GABRA3: variants seen among roughly 807,000 people sequenced by gnomAD.
GABRA3 encodes gamma-aminobutyric acid type A receptor subunit alpha3, also known as gamma-aminobutyric acid receptor subunit alpha-3.
A neutral mutation model predicts 30.1 loss-of-function variants in GABRA3; 10 were observed. That is an observed-to-expected ratio of 0.33 (90% CI 0.20 to 0.56). The LOEUF (loss-of-function observed/expected upper bound fraction) is 0.56, where lower values mean the gene tolerates loss of function less well. GABRA3 is among the 20% of genes least tolerant of loss of function. The pLI is 0.89. For synonymous variants in GABRA3, 151 were observed against 146.8 expected, an observed-to-expected ratio of 1.03 and a Z score of -0.21; for missense variants, 233 against 392.0, an observed-to-expected ratio of 0.59 and a Z score of 3.42.
chrX:152,412,161 A>C (rs1174431944), intron 1 of GABRA3, among the ~76,000 whole-genome samples: 1 of 112,018 alleles, frequency 8.9e-6, no homozygotes, highest in African/African-American at 3.2e-5. Context: ...CATTAAAAAA[A>C]GATAAAAGCA....
At chrX:152,405,404 G>A (rs1929906413) in intron 1 of GABRA3, among the ~76,000 whole-genome samples, 1 of 110,089 alleles carries the variant, frequency 9.1e-6, no homozygotes, top group Non-Finnish European at 1.9e-5. Context: ...TGACTGTCAG[G>A]GCACAAAGAC....
Position 152,363,841 on chromosome X carries a change from C to G in GABRA3, c.140+590G>C, listed in dbSNP as rs188370368. Among the ~76,000 whole-genome samples the G allele has an allele frequency of 4.8e-4, 54 of 111,900 alleles. No individual in the cohort carries two copies. The East Asian group carries it at 9.3e-3, about 19-fold the overall frequency. The stretch of plus-strand genomic sequence containing the variant: ...ATGAAGTCAAGGATGGAGAAGTCAA[C>G]AATATTGGAACGTAAGAACAGAGAA... On this transcript the variant is annotated intron_variant, in intron 2 of 9. Coordinates refer to ENST00000370314, the MANE Select transcript of GABRA3 (RefSeq NM_000808.4).
intron 6 of GABRA3, among the ~76,000 whole-genome samples, chrX:152,219,125 A>T (rs1937783466): frequency 9.0e-6 from 1 of 111,006 alleles, no homozygotes; most frequent in South Asian, 3.8e-4. Context: ...CTAGCTTCTA[A>T]ATGTTATCAT....
At chrX:152,249,448 A>G (rs1212530177) in intron 5 of GABRA3, among the ~76,000 whole-genome samples, 1 of 111,474 alleles carries the variant, frequency 9.0e-6, no homozygotes, top group Non-Finnish European at 1.9e-5. Context: ...TATACTACAT[A>G]TACACAGTAT....
chrX:152,213,924 T>G (rs1469608492), intron 6 of GABRA3, among the ~76,000 whole-genome samples: 2 of 110,392 alleles, frequency 1.8e-5, no homozygotes, highest in Non-Finnish European at 3.8e-5. Flanking sequence ...TCTCTATTCC[T>G]TTTTTTTTAT....
In GABRA3 at chrX:152,259,892, G is replaced by A. The variant is rs186355810; in HGVS notation, c.331-3894C>T. On this transcript the variant is annotated intron_variant, in intron 4 of 9. Transcript: ENST00000370314. ...AATGGGATTTTTTTATTCAATCTTC[G>A]GTACGAGCTTGGCTTCAGTGTGTTA... Among the ~76,000 whole-genome samples the A allele has an allele frequency of 6.9e-3, 753 of 109,653 alleles. 2 individuals carry two copies. Among genetic ancestry groups the A allele is most frequent in the Non-Finnish European group, 0.011 (585 of 52,637 alleles).
At chrX:152,417,881 G>A (rs1218970205) in intron 1 of GABRA3, among the ~76,000 whole-genome samples, 3 of 73,015 alleles carry the variant, frequency 4.1e-5, no homozygotes, top group Admixed American at 1.7e-4. Context: ...GTTGTGGGGT[G>A]GGGGGAGGGG....
At chrX:152,273,561 C>A (rs1447103738) in intron 4 of GABRA3, among the ~76,000 whole-genome samples, 2 of 112,162 alleles carry the variant, frequency 1.8e-5, no homozygotes, top group Non-Finnish European at 3.8e-5. Flanking sequence ...TGGATGAATG[C>A]ATAAAGAAAA....
chrX:152,421,233 A>C (rs999566951), intron 1 of GABRA3, among the ~76,000 whole-genome samples: 1 of 110,767 alleles, frequency 9.0e-6, no homozygotes, highest in African/African-American at 3.3e-5. Flanking sequence ...TGCAATTTTC[A>C]AGGAAACAAC....
At chrX:152,418,203 TAAAAC>T (rs1276164293) in intron 1 of GABRA3, among the ~76,000 whole-genome samples, 2 of 111,104 alleles carry the variant, frequency 1.8e-5, no homozygotes, top group Admixed American at 1.9e-4. Flanking sequence ...ATGACATACT[TAAAAC>T]ATAACACCCA....
chrX:152,330,417 C>G (rs1358474915), intron 3 of GABRA3, among the ~76,000 whole-genome samples: 1 of 111,928 alleles, frequency 8.9e-6, no homozygotes, highest in Non-Finnish European at 1.9e-5. Context: ...TATTGTGGCA[C>G]TATTCACAAT....
intron 4 of GABRA3, among the ~76,000 whole-genome samples, chrX:152,263,680 A>G (rs752402150): frequency 6.2e-5 from 7 of 112,023 alleles, no homozygotes; most frequent in Middle Eastern, 4.6e-3. Flanking sequence ...GGACAATAAA[A>G]GAGAATATTC....
At chrX:152,222,585 T>C (rs1937863028) in intron 6 of GABRA3, among the ~76,000 whole-genome samples, 1 of 110,047 alleles carries the variant, frequency 9.1e-6, no homozygotes, top group African/African-American at 3.3e-5. Flanking sequence ...AAACTTGGTT[T>C]TAGGTCTCAT....
chrX:152,316,887 A>T (rs1354052925), intron 3 of GABRA3, among the ~76,000 whole-genome samples: 1 of 111,946 alleles, frequency 8.9e-6, no homozygotes, highest in Non-Finnish European at 1.9e-5. Context: ...AATCCCAGAA[A>T]TATGTCAAAA....
Position 152,240,817 on chromosome X carries a change from A to C in GABRA3, c.551+14961T>G, listed in dbSNP as rs868421760. 5.0e-3 allele frequency among the ~76,000 whole-genome samples: 478 copies of C among 96,000 alleles called. 5 individuals carry two copies. Among genetic ancestry groups the C allele is most frequent in the African/African-American group, 0.018 (436 of 23,721 alleles). The allele number at this position is 96,000 out of a possible 115,157, so 83.4% of individuals were successfully genotyped here. A position where few individuals can be genotyped will look rare whatever the true frequency, so the allele number is the denominator to read the frequency against. ...CCTGAGGCTTCTGCATTCTTCACGT[A>C]GTTCTCGAGCCTTGGTTTTCAGCTC... On this transcript the variant is annotated intron_variant, in intron 5 of 9. Coordinates refer to ENST00000370314, the MANE Select transcript of GABRA3 (RefSeq NM_000808.4).
chrX:152,320,367 C>CATTA (rs1039668458), intron 3 of GABRA3, among the ~76,000 whole-genome samples: 1 of 111,784 alleles, frequency 8.9e-6, no homozygotes, highest in Non-Finnish European at 1.9e-5. Flanking sequence ...GTCGTATATA[C>CATTA]ATATACTATG....
intron 1 of GABRA3, among the ~76,000 whole-genome samples, chrX:152,404,689 C>T (rs1316990126): frequency 9.3e-6 from 1 of 108,068 alleles, no homozygotes; most frequent in African/African-American, 3.4e-5. Flanking sequence ...AGTCTAGACC[C>T]CAAACCCTTT....
intron 1 of GABRA3, among the ~76,000 whole-genome samples, chrX:152,405,789 AG>A (rs1165546321): frequency 9.0e-6 from 1 of 111,189 alleles, no homozygotes; most frequent in Non-Finnish European, 1.9e-5. Flanking sequence ...CTGACTAAAA[AG>A]CTCTTGGGCC....
chrX:152,306,528 G>A (rs1005317832), intron 3 of GABRA3, among the ~76,000 whole-genome samples: 2 of 111,870 alleles, frequency 1.8e-5, no homozygotes, highest in Non-Finnish European at 3.8e-5. Context: ...CAAGTGAGAT[G>A]TGGTCTCTTT....
Sources: allele counts gnomAD v4.1 joint callset (sites outside exome capture counted in the v4.1 genomes callset), GRCh38; gene constraint gnomAD v4.1.1; transcripts MANE v1.5; gene names NCBI Gene and HGNC (gene_info 2026-07-23, HGNC 2026-07-21).